NRP2: variants seen among roughly 807,000 people sequenced by gnomAD.
NRP2 encodes neuropilin-2.
In NRP2, 52 loss-of-function variants were observed where a neutral mutation model predicts 110.4. The observed-to-expected ratio is 0.47, with a 90% CI of 0.38 to 0.59. NRP2 has a LOEUF of 0.59. Ranked by LOEUF, NRP2 falls within the 20% of genes least tolerant of loss-of-function variation. The probability of loss-of-function intolerance (pLI) is 0.00; values close to 1 mark genes in which losing one functional copy is unlikely to be tolerated. For missense variants in NRP2, 1,049 were observed against 1,203.0 expected, an observed-to-expected ratio of 0.87 and a Z score of 1.89; for synonymous variants, 508 against 468.9, an observed-to-expected ratio of 1.08 and a Z score of -1.08.
At chr2:205,788,919 G>T (rs898979285) in intron 15 of NRP2, among the ~76,000 whole-genome samples, 1 of 152,162 alleles carries the variant, frequency 6.6e-6, no homozygotes, top group Non-Finnish European at 1.5e-5. Context: ...CTGGTTAGTT[G>T]GTTAATGAAA....
intron 15 of NRP2, among the ~76,000 whole-genome samples, chr2:205,783,070 G>A (rs964014637): frequency 1.3e-5 from 2 of 151,990 alleles, no homozygotes; most frequent in Admixed American, 1.3e-4. Context: ...TGGCTGTAGA[G>A]CCCCTGCCAC....
At chr2:205,735,095 G>C (rs1248468637) in intron 7 of NRP2, among the ~76,000 whole-genome samples, 1 of 152,154 alleles carries the variant, frequency 6.6e-6, no homozygotes, top group Admixed American at 6.5e-5. Flanking sequence ...CTCCTCCAAG[G>C]AGCTCAAAGA....
chr2:205,704,278 T>C (rs947319488), intron 2 of NRP2, among the ~76,000 whole-genome samples: 7 of 152,194 alleles, frequency 4.6e-5, no homozygotes, highest in Non-Finnish European at 8.8e-5. Flanking sequence ...CTGGTCTCCG[T>C]TGAAGTCTGA....
At position 205,715,797 on chromosome 2, in the gene NRP2, T is replaced by C. The variant is rs939227682; in HGVS notation, c.252-396T>C. Among the ~76,000 whole-genome samples the C allele has an allele frequency of 2.0e-5, 3 of 152,276 alleles. No individual in the cohort carries two copies. In the East Asian group the frequency reaches 5.8e-4, roughly 29 times the overall value. On this transcript the variant is annotated intron_variant, in intron 2 of 16. Coordinates refer to ENST00000357785, the MANE Select transcript of NRP2 (RefSeq NM_003872.3). ...TATCCTCATCTTACAGATGAAGAAA[T>C]TGATGCTCAAAGGGGTTCAGCAGCT...
At chr2:205,710,643 C>T (rs560546407) in intron 2 of NRP2, among the ~76,000 whole-genome samples, 3 of 152,208 alleles carry the variant, frequency 2.0e-5, no homozygotes, top group Admixed American at 6.5e-5. Flanking sequence ...AGGCCTGAAC[C>T]GACCAGAGAC....
intron 1 of NRP2, among the ~76,000 whole-genome samples, chr2:205,689,265 C>T (rs1575535917): frequency 6.6e-6 from 1 of 152,214 alleles, no homozygotes; most frequent in Non-Finnish European, 1.5e-5. Context: ...CTAGCTCAGC[C>T]ACTTGCTGGC....
chr2:205,704,716 G>A (rs1227049203), intron 2 of NRP2, among the ~76,000 whole-genome samples: 5 of 152,224 alleles, frequency 3.3e-5, no homozygotes, highest in Non-Finnish European at 7.3e-5. Context: ...AATTGTAACT[G>A]TCTCAATGCA....
chr2:205,740,000 GCCCCTCA>G, intron 7 of NRP2: 1 of 249,310 alleles, frequency 4.0e-6, no homozygotes. Flanking sequence ...GGTAGAGGGT[GCCCCTCA>G]TCATCTTGTC....
chr2:205,697,592 C>A lies in NRP2; in HGVS notation c.122C>A (p.Thr41Asn), dbSNP rs1279103528. The A allele has an allele frequency of 6.2e-7, 1 of 1,614,070 alleles. No homozygotes were observed. ...RLNSKDAGYI[T>N]SPGYPQDYPS... is the part of the protein sequence containing the mutation. ...AATTCCAAAGATGCTGGCTATATCA[C>A]CTCTCCCGGTTACCCCCAGGACTAC... Residue 41 changes from threonine to asparagine, a missense_variant, in exon 2 of 17, where the codon ACC becomes AAC. Coordinates refer to ENST00000357785, the MANE Select transcript of NRP2 (RefSeq NM_003872.3).
Position 205,743,324 on chromosome 2 carries a change from C to T in NRP2, c.1413C>T (p.Arg471=). Residue 471 remains arginine, a synonymous_variant, in exon 9 of 17, where the codon CGC becomes CGT. Coordinates refer to ENST00000357785, the MANE Select transcript of NRP2 (RefSeq NM_003872.3). ...SPSAARLVSS[R]SGWFPRIPQA... ...GTGCAGCCCGCCTGGTTAGCAGCCG[C>T]TCGGGCTGGTTCCCTCGAATCCCTC... The T allele has an allele frequency of 6.2e-7, 1 of 1,614,160 alleles. No individual in the cohort carries two copies.
At chr2:205,777,145 T>A (rs1263835168) in intron 15 of NRP2, 2 of 987,078 alleles carry the variant, frequency 2.0e-6, no homozygotes, top group African/African-American at 3.5e-5. Flanking sequence ...AAGCTTTTTG[T>A]TGCCTTATCT....
chr2:205,709,312 T>G (rs1279619093), intron 2 of NRP2, among the ~76,000 whole-genome samples: 1 of 152,218 alleles, frequency 6.6e-6, no homozygotes, highest in African/African-American at 2.4e-5. Flanking sequence ...CAAGGTGTCA[T>G]GTGTGTGTAA....
chr2:205,719,209 G>A (rs1012171123), intron 3 of NRP2, among the ~76,000 whole-genome samples: 1 of 152,160 alleles, frequency 6.6e-6, no homozygotes, highest in Admixed American at 6.5e-5. Flanking sequence ...GGGGGAAACT[G>A]TAAACACAGA....
At chr2:205,775,310 G>A (rs898742097) in intron 15 of NRP2, among the ~76,000 whole-genome samples, 1 of 152,168 alleles carries the variant, frequency 6.6e-6, no homozygotes, top group African/African-American at 2.4e-5. Context: ...TCTTTCCCCA[G>A]AGTTACCCTG....
At chr2:205,781,682 A>T (rs1273737855) in intron 15 of NRP2, among the ~76,000 whole-genome samples, 2 of 152,212 alleles carry the variant, frequency 1.3e-5, no homozygotes, top group Non-Finnish European at 2.9e-5. Context: ...AATTGTGCAG[A>T]TCACTGGGGC....
chr2:205,721,788 C>T (rs953875857), intron 3 of NRP2, among the ~76,000 whole-genome samples: 3 of 152,206 alleles, frequency 2.0e-5, no homozygotes, highest in Non-Finnish European at 4.4e-5. Context: ...AACTTGTTGC[C>T]GGAGCGGCCT....
At chr2:205,759,478 G>A (rs1306417274) in intron 12 of NRP2, 3 of 152,194 alleles carry the variant, frequency 2.0e-5, no homozygotes, top group African/African-American at 4.8e-5. Flanking sequence ...CTTTTGGCAC[G>A]GTTCCTCCGG....
chr2:205,712,305 A>G (rs1329452421), intron 2 of NRP2, among the ~76,000 whole-genome samples: 1 of 152,202 alleles, frequency 6.6e-6, no homozygotes, highest in African/African-American at 2.4e-5. Context: ...TTCGTTTAGG[A>G]GAGATTATGG....
intron 9 of NRP2, chr2:205,743,826 C>T (rs2057489566): frequency 6.1e-6 from 3 of 491,156 alleles, no homozygotes; most frequent in Non-Finnish European, 6.9e-6. Context: ...TCACTGCAAC[C>T]TCCGCCTCCA....
Sources: gnomAD v4.1 joint callset for allele counts (sites outside exome capture counted in the v4.1 genomes callset) on GRCh38, gnomAD v4.1.1 for gene constraint, MANE v1.5 for transcripts, NCBI Gene and HGNC (gene_info 2026-07-23, HGNC 2026-07-21) for gene names.